Variants in LYPLAL1 observed in about 807,000 individuals in gnomAD.
The protein encoded by LYPLAL1 is lysophospholipase-like protein 1.
In LYPLAL1, 23 loss-of-function variants were observed where a neutral mutation model predicts 19.7. The observed-to-expected ratio is 1.17, with a 90% CI of 0.84 to 1.65. The LOEUF is 1.65. Ranked by LOEUF, LYPLAL1 falls within the 40% of genes most tolerant of loss-of-function variation. The pLI, the probability that LYPLAL1 is intolerant of heterozygous loss-of-function variation, is 0.00. For synonymous variants in LYPLAL1, 119 were observed against 96.3 expected, an observed-to-expected ratio of 1.24 and a Z score of -1.38; for missense variants, 355 against 279.4, an observed-to-expected ratio of 1.27 and a Z score of -1.93.
the LYPLAL1 span, among the ~76,000 whole-genome samples, chr1:219,337,818 G>C: frequency 6.6e-6 from 1 of 152,018 alleles, no homozygotes; most frequent in Non-Finnish European, 1.5e-5. Flanking sequence ...GCAACAGACA[G>C]CTTATGGCCT....
the LYPLAL1 span, among the ~76,000 whole-genome samples, chr1:219,255,752 A>G: frequency 6.6e-6 from 1 of 152,114 alleles, no homozygotes; most frequent in South Asian, 2.1e-4. Context: ...TATCAGATTA[A>G]GAAAGTTTCC....
chr1:219,390,835 G>A, the LYPLAL1 span, among the ~76,000 whole-genome samples: 1 of 151,860 alleles, frequency 6.6e-6, no homozygotes, highest in Admixed American at 6.6e-5. Context: ...CAACTTCATT[G>A]GCATTTTGAG....
the LYPLAL1 span, among the ~76,000 whole-genome samples, chr1:219,386,228 C>T: frequency 1.3e-5 from 2 of 152,212 alleles, no homozygotes; most frequent in Admixed American, 6.5e-5. Flanking sequence ...CTTTCCTTGA[C>T]ATTCTGACAA....
At chr1:219,235,050 A>G in the LYPLAL1 span, among the ~76,000 whole-genome samples, 1 of 152,196 alleles carries the variant, frequency 6.6e-6, no homozygotes, top group African/African-American at 2.4e-5. Flanking sequence ...ATCTTGCATA[A>G]CATAATACAA....
chr1:219,216,530 A>G (rs368313195), downstream of LYPLAL1, among the ~76,000 whole-genome samples: 10 of 152,242 alleles, frequency 6.6e-5, no homozygotes, highest in Admixed American at 5.9e-4. Context: ...TCTATATGAT[A>G]CTGTCTGGAT....
chr1:219,215,899 C>T (rs558730997), downstream of LYPLAL1, among the ~76,000 whole-genome samples: 5 of 152,226 alleles, frequency 3.3e-5, no homozygotes, highest in African/African-American at 1.2e-4. Context: ...ATAAGATTCC[C>T]TGTTACTACA....
At chr1:219,241,124 CTCTCTCTCTCTATATATA>C in the LYPLAL1 span, among the ~76,000 whole-genome samples, 1 of 93,390 alleles carries the variant, frequency 1.1e-5, no homozygotes, top group African/African-American at 3.6e-5. Context: ...CTCTCTCTCT[CTCTCTCTCTCTATATATA>C]TATATATATA....
Position 219,211,757 on chromosome 1 carries a change from G to A in LYPLAL1, c.*29G>A, listed in dbSNP as rs769069105. Reference sequence around the variant, plus strand: ...AATCAAGAGTGATTTGTTAATGTAAGTGTAATGTCTTTGTGAAAAGTGATT... The same window carrying A: ...AATCAAGAGTGATTTGTTAATGTAAATGTAATGTCTTTGTGAAAAGTGATT... On this transcript the variant is annotated 3_prime_UTR_variant, in exon 5 of 5. Coordinates refer to ENST00000366928, the MANE Select transcript of LYPLAL1 (RefSeq NM_138794.5). The A allele has an allele frequency of 7.0e-7, 1 of 1,423,806 alleles. No homozygotes were observed. Among genetic ancestry groups the A allele is most frequent in the Admixed American group, 2.2e-5 (1 of 45,512 alleles). 88.2% of individuals were successfully genotyped at this position (1,423,806 alleles called of 1,614,324 possible).
In LYPLAL1 at chr1:219,182,800, T is replaced by G. The variant is rs1656400873; in HGVS notation, c.191+3554T>G. Among the ~76,000 whole-genome samples, 3 of 152,104 alleles carry G rather than the reference T, an allele frequency of 2.0e-5. No individual in the cohort carries two copies. In the South Asian group the frequency reaches 6.2e-4, roughly 31 times the overall value. ...AGGTATATTGAAGATATCACTTGGC[T>G]TGTAAAATCATTCCATTGATGGCAT... On this transcript the variant is annotated intron_variant, in intron 2 of 4. Transcript: ENST00000366928.
At chr1:219,393,655 C>G in the LYPLAL1 span, among the ~76,000 whole-genome samples, 1 of 151,942 alleles carries the variant, frequency 6.6e-6, no homozygotes, top group Non-Finnish European at 1.5e-5. Flanking sequence ...AATGAGTAAA[C>G]TGGGTAAATG....
the LYPLAL1 span, among the ~76,000 whole-genome samples, chr1:219,359,882 T>G: frequency 6.6e-6 from 1 of 152,166 alleles, no homozygotes; most frequent in Admixed American, 6.5e-5. Flanking sequence ...TCCACAAGAC[T>G]GGAATGGGGC....
chr1:219,316,306 A>T, the LYPLAL1 span, among the ~76,000 whole-genome samples: 1 of 152,150 alleles, frequency 6.6e-6, no homozygotes, highest in African/African-American at 2.4e-5. Context: ...TCATTTTGTC[A>T]TAGTGTATAA....
chr1:219,234,398 CCTCT>C, the LYPLAL1 span, among the ~76,000 whole-genome samples: 128 of 152,134 alleles, frequency 8.4e-4, 1 homozygote, highest in South Asian at 3.9e-3. Context: ...ACCAAATAAA[CCTCT>C]CTATTAGATA....
chr1:219,234,233 C>A, the LYPLAL1 span, among the ~76,000 whole-genome samples: 6 of 152,048 alleles, frequency 3.9e-5, no homozygotes, highest in African/African-American at 7.2e-5. Flanking sequence ...TCATTATTAC[C>A]ATAATTATTG....
At chr1:219,297,604 A>G in the LYPLAL1 span, among the ~76,000 whole-genome samples, 1 of 152,220 alleles carries the variant, frequency 6.6e-6, no homozygotes, top group Non-Finnish European at 1.5e-5. Flanking sequence ...TAGTCATACA[A>G]ATCATCATTT....
At chr1:219,304,209 C>A in the LYPLAL1 span, among the ~76,000 whole-genome samples, 1 of 152,184 alleles carries the variant, frequency 6.6e-6, no homozygotes, top group South Asian at 2.1e-4. Context: ...CATAAAACTG[C>A]AAAAGGTCTG....
At chr1:219,380,284 C>A in the LYPLAL1 span, among the ~76,000 whole-genome samples, 3 of 152,166 alleles carry the variant, frequency 2.0e-5, no homozygotes, top group African/African-American at 7.2e-5. Flanking sequence ...GGAGAATCTT[C>A]AGACCATGGT....
At chr1:219,253,519 C>G in the LYPLAL1 span, among the ~76,000 whole-genome samples, 1 of 151,878 alleles carries the variant, frequency 6.6e-6, no homozygotes, top group Non-Finnish European at 1.5e-5. Flanking sequence ...ATTTCTGCCT[C>G]AATTTCATTA....
the LYPLAL1 span, among the ~76,000 whole-genome samples, chr1:219,362,711 T>C: frequency 6.6e-6 from 1 of 152,090 alleles, no homozygotes; most frequent in Non-Finnish European, 1.5e-5. Context: ...TGAAAAGTGA[T>C]ATAGTGTAAG....
Sources: allele counts gnomAD v4.1 joint callset (sites outside exome capture counted in the v4.1 genomes callset), GRCh38; gene constraint gnomAD v4.1.1; transcripts MANE v1.5; gene names NCBI Gene and HGNC (gene_info 2026-07-23, HGNC 2026-07-21).